Variants in MACC1 observed in about 807,000 individuals in gnomAD.
The protein encoded by MACC1 is MET transcriptional regulator MACC1.
A neutral mutation model predicts 70.7 loss-of-function variants in MACC1; 79 were observed. That is an observed-to-expected ratio of 1.12 (90% CI 0.93 to 1.35). The LOEUF (loss-of-function observed/expected upper bound fraction) is 1.35. Among genes scored for constraint, MACC1 ranks in the 40% most tolerant of loss-of-function variants. The probability of loss-of-function intolerance (pLI) is 0.00; values close to 1 mark genes in which losing one functional copy is unlikely to be tolerated. For missense variants in MACC1, 1,106 were observed against 978.1 expected (o/e 1.13, Z -1.74); for synonymous variants, 361 against 347.2 (o/e 1.04, Z -0.44).
At position 20,158,289 on chromosome 7, in the gene MACC1, T is replaced by C. The variant is rs1212075249; in HGVS notation, c.2072A>G (p.Glu691Gly). The change falls in exon 5 of 7, where the codon GAG (glutamate) becomes GGG (glycine). Residue 691 changes from glutamate to glycine, a missense_variant. By Grantham distance (98) the Glu-to-Gly change is moderately conservative. Coordinates refer to ENST00000400331, the MANE Select transcript of MACC1 (RefSeq NM_182762.4). ...FDQIQADKES[E>G]KVSYVIKKLK... ...CTTCTTTATAACATAAGAAACTTTCTCTGATTCTTTGTCTGCTTGAATTTG... is the reference window on the plus strand; with the variant it reads ...CTTCTTTATAACATAAGAAACTTTCCCTGATTCTTTGTCTGCTTGAATTTG... 1 of 1,612,824 alleles carries C rather than the reference T, an allele frequency of 6.2e-7. No homozygotes were observed. The highest frequency in any genetic ancestry group is 8.5e-7 in the Non-Finnish European group (1 of 1,179,768).
rs1032526332 is a variant in MACC1, at chr7:20,139,254, C to T, written c.*1692G>A. Reference sequence around the variant, plus strand: ...TCTTTTATCCTTTCACTCCTTCACCCCTGCTATCTGCACCTATTCAGCTCC... The same window carrying T: ...TCTTTTATCCTTTCACTCCTTCACCTCTGCTATCTGCACCTATTCAGCTCC... On this transcript the variant is annotated 3_prime_UTR_variant, in exon 7 of 7. Coordinates refer to ENST00000400331, the MANE Select transcript of MACC1 (RefSeq NM_182762.4). 1 of 152,244 alleles carries T rather than the reference C, an allele frequency of 6.6e-6. No homozygotes were observed. The highest frequency in any genetic ancestry group is 2.4e-5 in the African/African-American group (1 of 41,412). The allele number at this position is 152,244 out of a possible 1,614,324, so 9.4% of individuals were successfully genotyped here. A position where few individuals can be genotyped will look rare whatever the true frequency, so the allele number is the denominator to read the frequency against.
At position 20,180,108 on chromosome 7, in the gene MACC1, A is replaced by G. The variant is rs576942446; in HGVS notation, c.-217-9330T>C. ...ATTCTTGCCTTGTTCAGGAGAGAAT[A>G]TACTTATTCAATTCAGATAATGATA... On this transcript the variant is annotated intron_variant, in intron 1 of 6. Transcript: ENST00000400331. Among the ~76,000 whole-genome samples, 3 of 152,328 alleles carry G rather than the reference A, an allele frequency of 2.0e-5. No homozygotes were observed. In the East Asian group the frequency reaches 5.8e-4, roughly 29 times the overall value.
rs1781783396 is a variant in MACC1 at position 20,140,683 on chromosome 7, A to G, written c.*263T>C. 1 of 351,540 alleles carries G rather than the reference A, an allele frequency of 2.8e-6. No individual in the cohort carries two copies. Among genetic ancestry groups the G allele is most frequent in the Non-Finnish European group, 5.1e-6 (1 of 197,504 alleles). 21.8% of individuals were successfully genotyped at this position (351,540 alleles called of 1,614,324 possible). A position where few individuals can be genotyped will look rare whatever the true frequency, so the allele number is the denominator to read the frequency against. Reference sequence around the variant, plus strand: ...GTATTTGAAACATACACAAAAATACATATTTGAGGATAAAACCCATCTTGG... The same window carrying G: ...GTATTTGAAACATACACAAAAATACGTATTTGAGGATAAAACCCATCTTGG... On this transcript the variant is annotated 3_prime_UTR_variant, in exon 7 of 7. Coordinates refer to ENST00000400331, the MANE Select transcript of MACC1 (RefSeq NM_182762.4).
chr7:20,191,030 C>G (rs1399150868), intron 1 of MACC1, among the ~76,000 whole-genome samples: 1 of 152,166 alleles, frequency 6.6e-6, no homozygotes, highest in African/African-American at 2.4e-5. Flanking sequence ...TTGCACTAAT[C>G]TAAGCATTTT....
intron 1 of MACC1, among the ~76,000 whole-genome samples, chr7:20,210,627 C>T (rs1324894357): frequency 6.6e-6 from 1 of 152,056 alleles, no homozygotes; most frequent in Admixed American, 6.6e-5. Flanking sequence ...TAGATGTTAC[C>T]TATCCTTTCA....
chr7:20,159,541 C>T lies in MACC1; in HGVS notation c.820G>A (p.Glu274Lys). The T allele has an allele frequency of 6.2e-7, 1 of 1,614,120 alleles. No homozygotes were observed. Among genetic ancestry groups the T allele is most frequent in the East Asian group, 2.2e-5 (1 of 44,878 alleles). ...GTATTGAGGTTGCCTAACATGATTT[C>T]CAACAACGGGCTCACAGTGCACGAA... ...DLSCTVSPLL[E>K]IMLGNLNTME... Residue 274 changes from glutamate to lysine, a missense_variant, in exon 5 of 7, where the codon GAA becomes AAA. Transcript: ENST00000400331.
rs922509911 is a variant in MACC1, at chr7:20,185,690, C to T, written c.-217-14912G>A. ...ATAAGAAATCTGGCAAAAGTAAGGA[C>T]GAGACTGTCCAATGTACGTTAACTT... On this transcript the variant is annotated intron_variant, in intron 1 of 6. Coordinates refer to ENST00000400331, the MANE Select transcript of MACC1 (RefSeq NM_182762.4). 3.9e-5 allele frequency among the ~76,000 whole-genome samples: 6 copies of T among 152,138 alleles called. 1 individual carries two copies. Among genetic ancestry groups the T allele is most frequent in the South Asian group, 4.2e-4 (2 of 4,802 alleles).
At chr7:20,175,537 A>G (rs932500937) in intron 1 of MACC1, among the ~76,000 whole-genome samples, 1 of 152,128 alleles carries the variant, frequency 6.6e-6, no homozygotes, top group Non-Finnish European at 1.5e-5. Context: ...AATGTATTGC[A>G]AAATTAGCAT....
chr7:20,173,691 C>A (rs1334287275), intron 1 of MACC1, among the ~76,000 whole-genome samples: 1 of 152,176 alleles, frequency 6.6e-6, no homozygotes, highest in African/African-American at 2.4e-5. Context: ...TGCTAATGGA[C>A]AATCTGATCT....
In MACC1 at chr7:20,185,578, T is replaced by A. The variant is rs375484250; in HGVS notation, c.-217-14800A>T. ...TTTTATAAAAGGAGGAGGATAAAAATAGAGAACAAAGTGAAATCAATTACT... is the reference window on the plus strand; with the variant it reads ...TTTTATAAAAGGAGGAGGATAAAAAAAGAGAACAAAGTGAAATCAATTACT... On this transcript the variant is annotated intron_variant, in intron 1 of 6. Transcript: ENST00000400331. Among the ~76,000 whole-genome samples, 12 of 152,080 alleles carry A rather than the reference T, an allele frequency of 7.9e-5. No homozygotes were observed. The South Asian group carries it at 1.2e-3, about 16-fold the overall frequency.
Position 20,159,624 on chromosome 7 carries a change from A to G in MACC1, c.737T>C (p.Phe246Ser), listed in dbSNP as rs1782111850. 6.2e-7 allele frequency: 1 copy of G among 1,614,004 alleles called. No individual in the cohort carries two copies. The highest frequency in any genetic ancestry group is 1.7e-5 in the Admixed American group (1 of 59,980). ...VPQGHVAVGE[F>S]QEVSLRAFLD... ...GAAAGCCCTTAGAGACACCTCTTGG[A>G]ATTCTCCCACAGCCACATGACCTTG... is the stretch of plus-strand genomic sequence containing the variant. The change falls in exon 5 of 7, where the codon TTC becomes TCC. Residue 246 changes from phenylalanine (F) to serine (S), a missense_variant. Coordinates refer to ENST00000400331, the MANE Select transcript of MACC1 (RefSeq NM_182762.4).
chr7:20,185,876 A>C (rs534954422), intron 1 of MACC1, among the ~76,000 whole-genome samples: 2 of 152,208 alleles, frequency 1.3e-5, no homozygotes, highest in Admixed American at 1.3e-4. Context: ...ACTGAGATAC[A>C]TAGAGATTAA....
At chr7:20,154,044 T>C in intron 6 of MACC1, 149 bp downstream of exon 6, 1 of 709,550 alleles carries the variant, frequency 1.4e-6, no homozygotes, top group Non-Finnish European at 2.4e-6. Flanking sequence ...TTTCAGATAG[T>C]ACTGATGAGT....
At chr7:20,177,593 T>G (rs928080649) in intron 1 of MACC1, among the ~76,000 whole-genome samples, 10 of 152,036 alleles carry the variant, frequency 6.6e-5, no homozygotes, top group African/African-American at 2.4e-4. Context: ...TTTTATGTGA[T>G]ATTAATATTG....
intron 2 of MACC1, among the ~76,000 whole-genome samples, chr7:20,166,149 G>C (rs1225085031): frequency 6.6e-6 from 1 of 152,168 alleles, no homozygotes; most frequent in Non-Finnish European, 1.5e-5. Context: ...GTTAGTGCTT[G>C]AATACCTGAA....
chr7:20,213,272 A>T (rs1783024168), intron 1 of MACC1, among the ~76,000 whole-genome samples: 1 of 152,246 alleles, frequency 6.6e-6, no homozygotes, highest in South Asian at 2.1e-4. Context: ...AAGTCAAAAA[A>T]TAACAGATGC....
At chr7:20,166,365 C>T (rs1212500891) in intron 2 of MACC1, among the ~76,000 whole-genome samples, 2 of 151,952 alleles carry the variant, frequency 1.3e-5, no homozygotes, top group African/African-American at 4.8e-5. Flanking sequence ...TTAAAAAGGC[C>T]CACAAAGGAA....
chr7:20,162,556 A>C (rs1419142224), intron 3 of MACC1, among the ~76,000 whole-genome samples: 4 of 152,136 alleles, frequency 2.6e-5, no homozygotes, highest in Non-Finnish European at 5.9e-5. Flanking sequence ...AATAGGCTCT[A>C]AGTAAGACAA....
intron 1 of MACC1, among the ~76,000 whole-genome samples, chr7:20,208,175 G>A (rs891849460): frequency 3.3e-5 from 5 of 152,164 alleles, no homozygotes; most frequent in African/African-American, 1.2e-4. Context: ...TCCAGTCTCA[G>A]GTATTTCTTC....
Sources: gnomAD v4.1 joint callset for allele counts (sites outside exome capture counted in the v4.1 genomes callset) on GRCh38, gnomAD v4.1.1 for gene constraint, MANE v1.5 for transcripts, NCBI Gene and HGNC (gene_info 2026-07-23, HGNC 2026-07-21) for gene names.